Variants in SIK3 observed in about 807,000 individuals in gnomAD.
The protein encoded by SIK3 is SIK family kinase 3.
In SIK3, 28 loss-of-function variants were observed where a neutral mutation model predicts 144.2. That is an observed-to-expected ratio of 0.19 (90% CI 0.14 to 0.27). SIK3 has a LOEUF of 0.27. SIK3 is among the 10% of genes least tolerant of loss of function. SIK3 has a pLI of 1.00. For missense variants in SIK3, 1,319 were observed against 1,776.0 expected, an observed-to-expected ratio of 0.74 and a Z score of 4.62; for synonymous variants, 686 against 676.3, an observed-to-expected ratio of 1.01 and a Z score of -0.22.
At chr11:116,965,523 G>T (rs906769989) in intron 1 of SIK3, among the ~76,000 whole-genome samples, 1 of 151,454 alleles carries the variant, frequency 6.6e-6, no homozygotes, top group Admixed American at 6.6e-5. Context: ...TTAAGAGGGA[G>T]ATACTTAGAA....
At chr11:116,985,478 TA>T (rs1950297010) in intron 1 of SIK3, among the ~76,000 whole-genome samples, 1 of 152,246 alleles carries the variant, frequency 6.6e-6, no homozygotes, top group African/African-American at 2.4e-5. Context: ...TTTGCGCTTG[TA>T]AATTAGCACT....
chr11:116,984,223 G>A (rs1950250753), intron 1 of SIK3, among the ~76,000 whole-genome samples: 1 of 152,080 alleles, frequency 6.6e-6, no homozygotes, highest in South Asian at 2.1e-4. Flanking sequence ...TTCCCAAAAA[G>A]ATGACAGCCA....
At chr11:117,064,372 C>T (rs1953922183) in intron 1 of SIK3, among the ~76,000 whole-genome samples, 1 of 152,180 alleles carries the variant, frequency 6.6e-6, no homozygotes, top group Non-Finnish European at 1.5e-5. Flanking sequence ...TACTTATTGC[C>T]TCTCACTCTT....
intron 1 of SIK3, among the ~76,000 whole-genome samples, chr11:117,088,079 T>C (rs1014345495): frequency 1.3e-5 from 2 of 151,822 alleles, no homozygotes; most frequent in Non-Finnish European, 2.9e-5. Flanking sequence ...AAAATAAAAT[T>C]TTTTAAAATT....
intron 4 of SIK3, 63 bp downstream of exon 4, chr11:116,927,156 G>T: frequency 1.6e-6 from 2 of 1,225,096 alleles, no homozygotes; most frequent in Non-Finnish European, 1.1e-6. Flanking sequence ...ATAATCCCTT[G>T]CTTATAGAAC....
rs1340193211 is a variant in SIK3, at chr11:116,870,338, C to A, written c.1801G>T (p.Val601Leu). The A allele has an allele frequency of 6.2e-7, 1 of 1,613,506 alleles. No homozygotes were observed. Among genetic ancestry groups the A allele is most frequent in the Admixed American group, 1.7e-5 (1 of 60,032 alleles). The change falls in exon 14 of 25, where the codon GTG becomes TTG. Residue 601 changes from valine (V) to leucine (L), a missense_variant. This residue lies in a region of SIK3 where 167 missense variants were observed against 263.3 expected (regional missense o/e 0.63). Coordinates refer to ENST00000445177, the MANE Select transcript of SIK3 (RefSeq NM_001366686.3). ...TGCCAGATGTCACATTACCTCTGCA[C>A]AGCTTCCTGGTCTGGCTCCCCGTCT... is the stretch of plus-strand genomic sequence containing the variant. ...SSDGEPDQEAVQRYLANRSKR... is the reference protein window; with the variant it reads ...SSDGEPDQEALQRYLANRSKR...
intron 1 of SIK3, among the ~76,000 whole-genome samples, chr11:117,063,706 T>C (rs1377950636): frequency 1.3e-5 from 2 of 151,650 alleles, no homozygotes; most frequent in South Asian, 2.1e-4. Flanking sequence ...GTAGCTGGAA[T>C]TACAGGCATC....
At chr11:117,094,585 G>A (rs1051610437) in intron 1 of SIK3, among the ~76,000 whole-genome samples, 3 of 152,038 alleles carry the variant, frequency 2.0e-5, no homozygotes, top group African/African-American at 7.2e-5. Flanking sequence ...TCTAGCCTGG[G>A]TGACAGAGTA....
intron 4 of SIK3, among the ~76,000 whole-genome samples, chr11:116,924,409 G>A (rs1360909924): frequency 3.3e-5 from 5 of 152,012 alleles, no homozygotes; most frequent in African/African-American, 9.7e-5. Context: ...GTCAGCGGAC[G>A]GAAAATAAAA....
intron 1 of SIK3, among the ~76,000 whole-genome samples, chr11:117,034,332 A>C (rs781409060): frequency 2.0e-5 from 3 of 152,238 alleles, no homozygotes; most frequent in Non-Finnish European, 4.4e-5. Context: ...TAAGACTTGA[A>C]TGATAAAAGC....
intron 3 of SIK3, among the ~76,000 whole-genome samples, chr11:116,948,196 C>T (rs537435501): frequency 5.3e-5 from 8 of 152,132 alleles, no homozygotes; most frequent in Middle Eastern, 3.4e-3. Context: ...CCTCAGCCCC[C>T]CAAAGTGCTA....
Position 116,859,505 on chromosome 11 carries a change from G to C in SIK3, c.2525C>G (p.Thr842Ser). The change falls in exon 20 of 25, where the codon ACC becomes AGC. Residue 842 changes from threonine (T) to serine (S), a missense_variant. Transcript: ENST00000445177. Reference sequence around the variant, plus strand: ...AGCAGGCTGCTGCATACCCAAGCAGGTTAGTGCCACGTTGGGAGGAGAGGA... The same window carrying C: ...AGCAGGCTGCTGCATACCCAAGCAGCTTAGTGCCACGTTGGGAGGAGAGGA... ...NCSSPPNVAL[T>S]CLGMQQPAQS... 1 of 1,614,220 alleles carries C rather than the reference G, an allele frequency of 6.2e-7. No individual in the cohort carries two copies.
chr11:116,863,541 C>T (rs1486442442), intron 16 of SIK3, 127 bp downstream of exon 16: 3 of 1,403,864 alleles, frequency 2.1e-6, no homozygotes, highest in African/African-American at 1.4e-5. Context: ...GAAAGCTATA[C>T]TTTTTTAACC....
chr11:116,855,102 A>AAAAAAAAAAAAAAAAAAAAAC lies in SIK3; in HGVS notation c.3655+2707_3655+2708insGTTTTTTTTTTTTTTTTTTTT, dbSNP rs1168132311. Among the ~76,000 whole-genome samples the AAAAAAAAAAAAAAAAAAAAAC allele has an allele frequency of 1.8e-4, 26 of 144,452 alleles. No homozygotes were observed. The East Asian group carries it at 2.3e-3, about 13-fold the overall frequency. The allele number at this position is 144,452 out of a possible 152,430, so 94.8% of individuals were successfully genotyped here. ...CTCTGCCAAAAAAAAAAAAAAAAAA[A>AAAAAAAAAAAAAAAAAAAAAC]AAAAAAACTTGAGTTTTTTTCACAG... On this transcript the variant is annotated intron_variant, in intron 21 of 24. Transcript: ENST00000445177.
At chr11:116,921,620 C>G (rs1020393) in intron 4 of SIK3, among the ~76,000 whole-genome samples, 1 of 152,080 alleles carries the variant, frequency 6.6e-6, no homozygotes, top group Non-Finnish European at 1.5e-5. Context: ...CTTCCCACTT[C>G]GGCTTCACAA....
chr11:116,958,012 A>G (rs1470577063), intron 1 of SIK3, among the ~76,000 whole-genome samples: 1 of 152,188 alleles, frequency 6.6e-6, no homozygotes, highest in East Asian at 1.9e-4. Context: ...CCTCAGTGAA[A>G]TACTTAAAAT....
At chr11:116,911,971 G>A (rs1317762833) in intron 4 of SIK3, among the ~76,000 whole-genome samples, 1 of 152,178 alleles carries the variant, frequency 6.6e-6, no homozygotes, top group Non-Finnish European at 1.5e-5. Context: ...AGATGGATAC[G>A]CACACCTACA....
intron 6 of SIK3, among the ~76,000 whole-genome samples, chr11:116,884,820 C>G (rs1284710279): frequency 6.6e-6 from 1 of 152,104 alleles, no homozygotes; most frequent in Non-Finnish European, 1.5e-5. Context: ...AAAGAAAATA[C>G]ACAACCTTGG....
chr11:116,854,927 C>CA (rs1375419613), intron 21 of SIK3, among the ~76,000 whole-genome samples: 6 of 149,976 alleles, frequency 4.0e-5, no homozygotes, highest in South Asian at 2.1e-4. Context: ...CCCGTCTCTA[C>CA]AAAAAAAAAT....
Sources: gnomAD v4.1 joint callset for allele counts (sites outside exome capture counted in the v4.1 genomes callset) on GRCh38, gnomAD v4.1.1 for gene constraint, gnomAD v4.1.1 regional missense constraint, MANE v1.5 for transcripts, NCBI Gene and HGNC (gene_info 2026-07-23, HGNC 2026-07-21) for gene names.